ZNF536: variants seen among roughly 807,000 people sequenced by gnomAD.
The protein encoded by ZNF536 is zinc finger protein 536.
ZNF536 carries 13 observed loss-of-function variants against 84.5 expected under a neutral mutation model. The ratio of observed to expected loss-of-function variants is 0.15; its 90% CI spans 0.10 to 0.24. The LOEUF (loss-of-function observed/expected upper bound fraction) is 0.24, where lower values mean the gene tolerates loss of function less well. Ranked by LOEUF, ZNF536 falls within the 10% of genes least tolerant of loss-of-function variation. ZNF536 has a pLI of 1.00. For synonymous variants in ZNF536, 811 were observed against 742.5 expected, an observed-to-expected ratio of 1.09 and a Z score of -1.50; for missense variants, 1,536 against 1,747.5, an observed-to-expected ratio of 0.88 and a Z score of 2.16.
intron 1 of ZNF536, among the ~76,000 whole-genome samples, chr19:30,379,432 G>A (rs1291221648): frequency 2.6e-5 from 4 of 152,052 alleles, no homozygotes; most frequent in Non-Finnish European, 5.9e-5. Flanking sequence ...TCTCCACTGA[G>A]CCTCTGCAAC....
chr19:30,336,404 T>G (rs1003225995), intron 2 of ZNF536, among the ~76,000 whole-genome samples: 2 of 152,160 alleles, frequency 1.3e-5, no homozygotes, highest in Non-Finnish European at 2.9e-5. Flanking sequence ...CAAATGCTGT[T>G]GGACAGGACA....
At chr19:30,357,283 G>C (rs535473001) in intron 3 of ZNF536, among the ~76,000 whole-genome samples, 326 of 152,308 alleles carry the variant, frequency 2.1e-3, no homozygotes, top group South Asian at 6.0e-3. Context: ...GAAGTTCTGG[G>C]AAGAGCATTG....
intron 3 of ZNF536, among the ~76,000 whole-genome samples, chr19:30,364,584 G>A (rs886708609): frequency 1.3e-5 from 2 of 152,136 alleles, no homozygotes; most frequent in Non-Finnish European, 2.9e-5. Flanking sequence ...CCTTTCTCTC[G>A]ATTGAGGCTT....
chr19:30,675,750 C>T (rs2050731049), intron 1 of ZNF536, among the ~76,000 whole-genome samples: 1 of 152,196 alleles, frequency 6.6e-6, no homozygotes, highest in African/African-American at 2.4e-5. Context: ...TCTAGCTATT[C>T]TTTCTTCAGA....
intron 4 of ZNF536, among the ~76,000 whole-genome samples, chr19:30,553,440 T>TAC (rs2045854357): frequency 6.6e-6 from 1 of 152,220 alleles, no homozygotes; most frequent in Non-Finnish European, 1.5e-5. Context: ...CCTTACTCCT[T>TAC]GCCTTTCAAA....
chr19:30,439,315 C>T (rs28567442), intron 1 of ZNF536, among the ~76,000 whole-genome samples: 76,888 of 152,054 alleles, frequency 0.51, 20,575 homozygotes, highest in Non-Finnish European at 0.6. Flanking sequence ...AACAGGCCCT[C>T]GAGGGCAGGT....
intron 2 of ZNF536, among the ~76,000 whole-genome samples, chr19:30,520,251 C>A (rs892640302): frequency 5.3e-5 from 8 of 152,098 alleles, no homozygotes; most frequent in African/African-American, 1.9e-4. Flanking sequence ...CTCTTAAATT[C>A]TTTTTCAATA....
intron 1 of ZNF536, among the ~76,000 whole-genome samples, chr19:30,592,821 C>T (rs781002905): frequency 3.3e-5 from 5 of 152,056 alleles, no homozygotes; most frequent in Non-Finnish European, 5.9e-5. Context: ...TTAGCAAATT[C>T]TTGTAAGTGA....
At chr19:30,463,794 C>A (rs539507356) in intron 2 of ZNF536, among the ~76,000 whole-genome samples, 8 of 152,160 alleles carry the variant, frequency 5.3e-5, no homozygotes, top group African/African-American at 1.9e-4. Flanking sequence ...GGGCAGGTTA[C>A]CAGGTGCATG....
chr19:30,235,923 G>A (rs1045088222), intron 1 of ZNF536, among the ~76,000 whole-genome samples: 32 of 152,348 alleles, frequency 2.1e-4, no homozygotes, highest in Middle Eastern at 6.8e-3. Flanking sequence ...AGCAGAGAGC[G>A]TCTCACGGAT....
chr19:30,568,546 A>G (rs2046431786), intron 1 of ZNF536, among the ~76,000 whole-genome samples: 1 of 152,138 alleles, frequency 6.6e-6, no homozygotes, highest in Non-Finnish European at 1.5e-5. Flanking sequence ...AAAATATGCA[A>G]TTGATTTTGA....
intron 1 of ZNF536, among the ~76,000 whole-genome samples, chr19:30,670,028 C>T (rs750855428): frequency 6.6e-6 from 1 of 152,342 alleles, no homozygotes; most frequent in African/African-American, 2.4e-5. Context: ...CAGCTTTTCC[C>T]TTTCCCCTCA....
At chr19:30,461,061 G>A (rs1489319047) in intron 2 of ZNF536, among the ~76,000 whole-genome samples, 1 of 152,170 alleles carries the variant, frequency 6.6e-6, no homozygotes, top group Non-Finnish European at 1.5e-5. Flanking sequence ...TGGGCATAGG[G>A]TGAGCCCAGG....
intron 1 of ZNF536, among the ~76,000 whole-genome samples, chr19:30,416,421 T>C (rs577603384): frequency 2.0e-5 from 3 of 152,228 alleles, no homozygotes; most frequent in Admixed American, 2.0e-4. Flanking sequence ...TATTGGTGCC[T>C]GGCAGATATT....
chr19:30,599,480 TTCCC>T, intron 1 of ZNF536, among the ~76,000 whole-genome samples: 1 of 101,094 alleles, frequency 9.9e-6, no homozygotes. Flanking sequence ...CCTTCCTTCC[TTCCC>T]TCCTTCCTTC....
intron 3 of ZNF536, among the ~76,000 whole-genome samples, chr19:30,545,618 C>T (rs560213021): frequency 5.4e-4 from 82 of 152,014 alleles, no homozygotes; most frequent in African/African-American, 1.9e-3. Flanking sequence ...AGGATGGTCT[C>T]GATCTCCTGA....
intron 1 of ZNF536, among the ~76,000 whole-genome samples, chr19:30,653,726 C>A (rs943793290): frequency 7.9e-5 from 12 of 152,044 alleles, no homozygotes; most frequent in Non-Finnish European, 1.5e-4. Context: ...AGGTGGGAGT[C>A]ACTTCCTTAG....
chr19:30,458,447 GTTTTTT>G (rs3084731), intron 2 of ZNF536, among the ~76,000 whole-genome samples: 15 of 83,488 alleles, frequency 1.8e-4, no homozygotes, highest in African/African-American at 7.3e-4. Flanking sequence ...ATTTCCTGCT[GTTTTTT>G]TTTTTTTTTT....
chr19:30,365,047 C>A (rs1429011568), intron 3 of ZNF536, among the ~76,000 whole-genome samples: 1 of 152,194 alleles, frequency 6.6e-6, no homozygotes, highest in East Asian at 1.9e-4. Context: ...AGACCCGTGG[C>A]TTTTAAACAT....
Sources: allele counts gnomAD v4.1 joint callset (sites outside exome capture counted in the v4.1 genomes callset), GRCh38; gene constraint gnomAD v4.1.1; transcripts MANE v1.5; gene names NCBI Gene and HGNC (gene_info 2026-07-23, HGNC 2026-07-21).